The following XKR4 variants were observed in gnomAD, a reference collection of about 807,000 sequenced individuals.
XKR4 encodes the protein XK related 4.
XKR4 carries 12 observed loss-of-function variants against 53.9 expected under a neutral mutation model. The ratio of observed to expected loss-of-function variants is 0.22; its 90% CI spans 0.14 to 0.36. The LOEUF (loss-of-function observed/expected upper bound fraction) is 0.36. XKR4 is among the 10% of genes least tolerant of loss of function. The pLI is 1.00. For synonymous variants in XKR4, 354 were observed against 362.4 expected (o/e 0.98, Z 0.26); for missense variants, 799 against 859.5 (o/e 0.93, Z 0.88).
At chr8:55,157,853 C>G (rs568460779) in intron 1 of XKR4, among the ~76,000 whole-genome samples, 11 of 143,330 alleles carry the variant, frequency 7.7e-5, no homozygotes, top group African/African-American at 3.1e-4. Context: ...AGGACATGAT[C>G]TCTCTCTCTT....
intron 2 of XKR4, among the ~76,000 whole-genome samples, chr8:55,387,280 A>T (rs1263993926): frequency 6.6e-6 from 1 of 152,100 alleles, no homozygotes; most frequent in Non-Finnish European, 1.5e-5. Flanking sequence ...CTCTCTGTAA[A>T]ACCTCCTGGG....
chr8:55,202,370 G>A (rs1379955366), intron 1 of XKR4, among the ~76,000 whole-genome samples: 1 of 152,188 alleles, frequency 6.6e-6, no homozygotes, highest in African/African-American at 2.4e-5. Context: ...GCGAAGCAAC[G>A]TAGTTTCTAG....
At chr8:55,346,961 G>C (rs1803656756) in intron 1 of XKR4, among the ~76,000 whole-genome samples, 1 of 152,110 alleles carries the variant, frequency 6.6e-6, no homozygotes, top group African/African-American at 2.4e-5. Context: ...TTCTTATTCA[G>C]CTATGGATAT....
chr8:55,530,189 AAGGAAGGAAG>A lies in XKR4; in HGVS notation c.*5963_*5972del, dbSNP rs1447038287. On this transcript the variant is annotated 3_prime_UTR_variant, in exon 3 of 3. Transcript: ENST00000327381. ...GAAGGAAGGAAGGAAGGAAGGAAGG[AAGGAAGGAAG>A]GAAGGAAGGAGATTTAACAAGTCTT... The A allele has an allele frequency of 4.3e-5, 6 of 139,676 alleles. No homozygotes were observed. Among genetic ancestry groups the A allele is most frequent in the African/African-American group, 1.4e-4 (5 of 34,716 alleles). 8.7% of individuals were successfully genotyped at this position (139,676 alleles called of 1,614,324 possible). A position where few individuals can be genotyped will look rare whatever the true frequency, so the allele number is the denominator to read the frequency against.
chr8:55,506,308 G>A (rs908192108), intron 2 of XKR4, among the ~76,000 whole-genome samples: 3 of 152,188 alleles, frequency 2.0e-5, no homozygotes, highest in Non-Finnish European at 4.4e-5. Context: ...CAAATAGATA[G>A]GCCTGAAAGG....
At chr8:55,272,469 A>G (rs537150024) in intron 1 of XKR4, among the ~76,000 whole-genome samples, 4 of 152,232 alleles carry the variant, frequency 2.6e-5, no homozygotes, top group African/African-American at 9.6e-5. Context: ...CACAGAGCAA[A>G]TGGCAGTCCC....
chr8:55,289,589 AAGAG>A (rs1298898829), intron 1 of XKR4, among the ~76,000 whole-genome samples: 74 of 73,006 alleles, frequency 1.0e-3, no homozygotes, highest in African/African-American at 3.2e-3. Flanking sequence ...GGAAGAAAGA[AAGAG>A]AAAGAAAGAA....
chr8:55,212,179 C>T (rs541691347), intron 1 of XKR4, among the ~76,000 whole-genome samples: 1 of 151,512 alleles, frequency 6.6e-6, no homozygotes, highest in African/African-American at 2.4e-5. Context: ...CAGATGAAGC[C>T]TCCAGGTGGC....
intron 1 of XKR4, among the ~76,000 whole-genome samples, chr8:55,137,144 T>C (rs1237212713): frequency 6.6e-6 from 1 of 152,100 alleles, no homozygotes; most frequent in Non-Finnish European, 1.5e-5. Flanking sequence ...GGTCAACTCC[T>C]GGGAAGATAG....
chr8:55,428,866 G>A (rs1186051065), intron 2 of XKR4, among the ~76,000 whole-genome samples: 1 of 152,208 alleles, frequency 6.6e-6, no homozygotes, highest in Non-Finnish European at 1.5e-5. Flanking sequence ...ATGGATGTGG[G>A]TTTAATGCAA....
At chr8:55,242,852 T>G (rs777389306) in intron 1 of XKR4, among the ~76,000 whole-genome samples, 2 of 152,162 alleles carry the variant, frequency 1.3e-5, no homozygotes, top group African/African-American at 4.8e-5. Flanking sequence ...TGAGGGAAAC[T>G]ATGATGTGAA....
chr8:55,507,444 G>C (rs989967968), intron 2 of XKR4, among the ~76,000 whole-genome samples: 1 of 151,830 alleles, frequency 6.6e-6, no homozygotes, highest in African/African-American at 2.4e-5. Context: ...TTGTTGTGCT[G>C]CACCCAGTAA....
chr8:55,340,159 T>C (rs1803521707), intron 1 of XKR4, among the ~76,000 whole-genome samples: 1 of 152,216 alleles, frequency 6.6e-6, no homozygotes, highest in Non-Finnish European at 1.5e-5. Flanking sequence ...GGAAGGTCTG[T>C]ATAGCACAAT....
At chr8:55,244,867 G>A (rs1818261728) in intron 1 of XKR4, among the ~76,000 whole-genome samples, 1 of 148,018 alleles carries the variant, frequency 6.8e-6, no homozygotes, top group African/African-American at 2.5e-5. Flanking sequence ...ATCTTCTTTT[G>A]AAAAGTGTCT....
At chr8:55,248,821 G>T (rs1818327662) in intron 1 of XKR4, among the ~76,000 whole-genome samples, 1 of 151,872 alleles carries the variant, frequency 6.6e-6, no homozygotes, top group Admixed American at 6.6e-5. Context: ...GAGTCTCAGA[G>T]TGTCCCAGGG....
At chr8:55,380,926 A>AC (rs1360099883) in intron 2 of XKR4, among the ~76,000 whole-genome samples, 3 of 152,186 alleles carry the variant, frequency 2.0e-5, no homozygotes, top group Admixed American at 6.5e-5. Flanking sequence ...AGTAAGTAAA[A>AC]CCATGTTTAT....
At chr8:55,373,713 G>T (rs1010337219) in intron 2 of XKR4, among the ~76,000 whole-genome samples, 1 of 152,116 alleles carries the variant, frequency 6.6e-6, no homozygotes, top group African/African-American at 2.4e-5. Context: ...AAGACTTTTG[G>T]AATAAATGGT....
At chr8:55,392,562 G>T (rs185773825) in intron 2 of XKR4, among the ~76,000 whole-genome samples, 2 of 152,150 alleles carry the variant, frequency 1.3e-5, no homozygotes, top group Admixed American at 1.3e-4. Flanking sequence ...AGGCTGAGGC[G>T]GGTAGATTGC....
At chr8:55,453,979 C>G (rs984025393) in intron 2 of XKR4, 1 of 776,740 alleles carries the variant, frequency 1.3e-6, no homozygotes, top group Non-Finnish European at 2.2e-6. Flanking sequence ...GGAAGGCTGC[C>G]TTATGGAAGC....
Sources: gnomAD v4.1 joint callset for allele counts (sites outside exome capture counted in the v4.1 genomes callset) on GRCh38, gnomAD v4.1.1 for gene constraint, MANE v1.5 for transcripts, NCBI Gene and HGNC (gene_info 2026-07-23, HGNC 2026-07-21) for gene names.